Variants in SUGCT observed in about 807,000 individuals in gnomAD.
SUGCT encodes succinyl-CoA:glutarate-CoA transferase, also known as succinyl-CoA:glutarate CoA-transferase.
Under a neutral mutation model 55.0 loss-of-function variants are expected in SUGCT, and 41 were observed. The observed-to-expected ratio is 0.74, with a 90% CI of 0.58 to 0.97. SUGCT has a LOEUF of 0.97. Ranked by LOEUF, SUGCT falls within the 50% of genes least tolerant of loss-of-function variation. The pLI is 0.00. For synonymous variants in SUGCT, 187 were observed against 200.4 expected (o/e 0.93, Z 0.56); for missense variants, 568 against 547.8 (o/e 1.04, Z -0.37).
chr7:40,873,977 A>C, the SUGCT span, among the ~76,000 whole-genome samples: 1 of 152,252 alleles, frequency 6.6e-6, no homozygotes, highest in Non-Finnish European at 1.5e-5. Context: ...TCATATCAGC[A>C]GAGGCACTAA....
chr7:40,454,488 GCTATATGGGAT>G (rs1789364817), intron 10 of SUGCT, among the ~76,000 whole-genome samples: 1 of 152,080 alleles, frequency 6.6e-6, no homozygotes, highest in Non-Finnish European at 1.5e-5. Context: ...ACACACATAG[GCTATATGGGAT>G]AGCCTATTCC....
rs184947645 is a variant in SUGCT, at chr7:40,700,872, G to C, written c.1090-48562G>C. Among the ~76,000 whole-genome samples the C allele has an allele frequency of 1.9e-4, 29 of 152,248 alleles. No individual in the cohort carries two copies. The East Asian group carries it at 4.5e-3, about 23-fold the overall frequency. On this transcript the variant is annotated intron_variant, in intron 12 of 13. Transcript: ENST00000335693. ...AAGAGGAGACTAGATGCGACCCACAGTCACTCACTGAGGAGAGAAGAGCCA... is the reference window on the plus strand; with the variant it reads ...AAGAGGAGACTAGATGCGACCCACACTCACTCACTGAGGAGAGAAGAGCCA...
At chr7:40,900,190 CA>C in the SUGCT span, among the ~76,000 whole-genome samples, 1 of 152,242 alleles carries the variant, frequency 6.6e-6, no homozygotes, top group Non-Finnish European at 1.5e-5. Context: ...CTGCGTATTT[CA>C]AATCATCTTG....
chr7:40,994,408 A>C, the SUGCT span, among the ~76,000 whole-genome samples: 1 of 149,702 alleles, frequency 6.7e-6, no homozygotes, highest in Non-Finnish European at 1.5e-5. Context: ...TCACCCCCCC[A>C]TTTTGGAAGC....
intron 6 of SUGCT, among the ~76,000 whole-genome samples, chr7:40,228,516 G>C (rs1788525530): frequency 6.6e-6 from 1 of 151,670 alleles, no homozygotes; most frequent in Non-Finnish European, 1.5e-5. Flanking sequence ...GTGTGTTTTT[G>C]TTGTTTTGTT....
At chr7:40,754,541 T>C (rs1788164917) in intron 13 of SUGCT, among the ~76,000 whole-genome samples, 1 of 152,170 alleles carries the variant, frequency 6.6e-6, no homozygotes, top group Non-Finnish European at 1.5e-5. Context: ...AGCTTATGCT[T>C]GGCCAGGGAA....
the SUGCT span, among the ~76,000 whole-genome samples, chr7:40,941,041 G>A: frequency 6.6e-6 from 1 of 151,950 alleles, no homozygotes; most frequent in South Asian, 2.1e-4. Context: ...TTTTGGGTAT[G>A]TTCTTTCTAT....
intron 13 of SUGCT, among the ~76,000 whole-genome samples, chr7:40,838,513 T>C (rs1187471243): frequency 6.6e-6 from 1 of 152,226 alleles, no homozygotes; most frequent in African/African-American, 2.4e-5. Context: ...TTTGGAGTAA[T>C]TGGAAGGAGT....
chr7:40,437,705 T>G (rs1326745249), intron 9 of SUGCT, among the ~76,000 whole-genome samples: 1 of 152,208 alleles, frequency 6.6e-6, no homozygotes. Flanking sequence ...CATGATGTAC[T>G]AGCACAGACC....
the SUGCT span, among the ~76,000 whole-genome samples, chr7:40,904,188 A>G: frequency 2.0e-5 from 3 of 152,176 alleles, no homozygotes; most frequent in East Asian, 5.8e-4. Flanking sequence ...AGTACTGTAG[A>G]TGTTTTTACG....
At chr7:40,974,229 C>A in the SUGCT span, among the ~76,000 whole-genome samples, 10 of 152,108 alleles carry the variant, frequency 6.6e-5, no homozygotes, top group African/African-American at 2.4e-4. Context: ...GCCCTGCTAC[C>A]AAAGCAGGAA....
At chr7:40,837,594 T>A (rs1247975395) in intron 13 of SUGCT, among the ~76,000 whole-genome samples, 1 of 152,156 alleles carries the variant, frequency 6.6e-6, no homozygotes, top group African/African-American at 2.4e-5. Context: ...ATTATTATTA[T>A]TATTTTTGAG....
the SUGCT span, among the ~76,000 whole-genome samples, chr7:40,948,379 T>C: frequency 6.6e-6 from 1 of 152,136 alleles, no homozygotes; most frequent in Non-Finnish European, 1.5e-5. Context: ...GACTGAAATG[T>C]AACCCACAAA....
At chr7:40,846,291 G>A (rs1358959308) in intron 13 of SUGCT, among the ~76,000 whole-genome samples, 1 of 151,976 alleles carries the variant, frequency 6.6e-6, no homozygotes, top group African/African-American at 2.4e-5. Flanking sequence ...TTTTGGCAAA[G>A]AGCACGTTGT....
intron 1 of SUGCT, among the ~76,000 whole-genome samples, chr7:40,136,968 C>T (rs779576328): frequency 7.9e-5 from 12 of 151,940 alleles, no homozygotes; most frequent in Non-Finnish European, 1.5e-5. Context: ...GCACTCCAGC[C>T]TGGGTAACAG....
intron 12 of SUGCT, among the ~76,000 whole-genome samples, chr7:40,600,409 T>C (rs1798235741): frequency 6.6e-6 from 1 of 152,238 alleles, no homozygotes; most frequent in African/African-American, 2.4e-5. Flanking sequence ...CAGGGCTGAC[T>C]GATAACACAT....
intron 13 of SUGCT, among the ~76,000 whole-genome samples, chr7:40,758,308 G>A (rs1343430061): frequency 1.3e-5 from 2 of 151,968 alleles, no homozygotes; most frequent in African/African-American, 4.8e-5. Flanking sequence ...CAGTCTTTAA[G>A]ATGTCAAGAA....
At chr7:40,820,000 A>G (rs1409710996) in intron 13 of SUGCT, among the ~76,000 whole-genome samples, 2 of 152,146 alleles carry the variant, frequency 1.3e-5, no homozygotes, top group Non-Finnish European at 2.9e-5. Flanking sequence ...TCCCAGCACC[A>G]TTTATTAAAT....
intron 12 of SUGCT, among the ~76,000 whole-genome samples, chr7:40,719,563 G>A (rs1786206826): frequency 6.6e-6 from 1 of 152,032 alleles, no homozygotes; most frequent in Non-Finnish European, 1.5e-5. Flanking sequence ...CTGAAAACCA[G>A]GAAAAAGATT....
Sources: gnomAD v4.1 joint callset for allele counts (sites outside exome capture counted in the v4.1 genomes callset) on GRCh38, gnomAD v4.1.1 for gene constraint, MANE v1.5 for transcripts, NCBI Gene and HGNC (gene_info 2026-07-23, HGNC 2026-07-21) for gene names.